The following GABBR2 variants were observed in gnomAD, a reference collection of about 807,000 sequenced individuals.
GABBR2 encodes the protein gamma-aminobutyric acid type B receptor subunit 2.
Under a neutral mutation model 105.6 loss-of-function variants are expected in GABBR2, and 23 were observed. The ratio of observed to expected loss-of-function variants is 0.22; its 90% CI spans 0.16 to 0.31. GABBR2 has a LOEUF of 0.31. GABBR2 is among the 10% of genes least tolerant of loss of function. The probability of loss-of-function intolerance (pLI) is 1.00; values close to 1 mark genes in which losing one functional copy is unlikely to be tolerated. For missense variants in GABBR2, 734 were observed against 1,245.5 expected, an observed-to-expected ratio of 0.59 and a Z score of 6.18; for synonymous variants, 478 against 499.7, an observed-to-expected ratio of 0.96 and a Z score of 0.58.
intron 13 of GABBR2, among the ~76,000 whole-genome samples, chr9:98,330,764 C>G (rs1393581506): frequency 3.9e-5 from 6 of 152,178 alleles, no homozygotes; most frequent in Admixed American, 1.3e-4. Flanking sequence ...ATTCACATAG[C>G]ACAAAATTCA....
intron 1 of GABBR2, among the ~76,000 whole-genome samples, chr9:98,598,487 A>C (rs967756234): frequency 7.2e-5 from 11 of 152,186 alleles, no homozygotes; most frequent in African/African-American, 2.4e-4. Context: ...CAGTCAGCTG[A>C]AATAAATAAA....
intron 3 of GABBR2, among the ~76,000 whole-genome samples, chr9:98,520,042 A>AG (rs1827835510): frequency 6.6e-6 from 1 of 152,164 alleles, no homozygotes; most frequent in African/African-American, 2.4e-5. Context: ...CTGCTGGGCT[A>AG]CCTTGGGTGA....
intron 9 of GABBR2, among the ~76,000 whole-genome samples, chr9:98,393,330 G>T (rs190866047): frequency 3.5e-5 from 3 of 85,630 alleles, no homozygotes; most frequent in African/African-American, 7.4e-5. Flanking sequence ...CACCCATCCA[G>T]GCATCCACCC....
intron 13 of GABBR2, among the ~76,000 whole-genome samples, chr9:98,347,825 C>T (rs1204960892): frequency 6.6e-6 from 1 of 152,058 alleles, no homozygotes; most frequent in East Asian, 1.9e-4. Context: ...GTAATAATCC[C>T]CACATGTCAA....
At chr9:98,698,808 A>G (rs337545) in intron 1 of GABBR2, among the ~76,000 whole-genome samples, 106,828 of 151,850 alleles carry the variant, frequency 0.7, 38,831 homozygotes, top group Middle Eastern at 0.84. Context: ...TTTACTCACA[A>G]TCTTGGTTAT....
chr9:98,430,836 G>T (rs1011152807), intron 7 of GABBR2, among the ~76,000 whole-genome samples: 2 of 151,880 alleles, frequency 1.3e-5, no homozygotes, highest in Admixed American at 6.6e-5. Context: ...CTGGGCGATT[G>T]TAAGATTCAC....
intron 3 of GABBR2, among the ~76,000 whole-genome samples, chr9:98,534,556 C>T (rs1828132828): frequency 6.6e-6 from 1 of 152,156 alleles, no homozygotes; most frequent in Admixed American, 6.5e-5. Flanking sequence ...CCCAACAACC[C>T]TAAGAGGTAG....
At chr9:98,337,113 T>G (rs1329189575) in intron 13 of GABBR2, among the ~76,000 whole-genome samples, 1 of 152,086 alleles carries the variant, frequency 6.6e-6, no homozygotes, top group Non-Finnish European at 1.5e-5. Context: ...AAGACCAGCC[T>G]GGACAACATA....
intron 9 of GABBR2, among the ~76,000 whole-genome samples, chr9:98,393,806 G>A (rs1026225994): frequency 2.6e-5 from 4 of 152,208 alleles, no homozygotes; most frequent in Non-Finnish European, 2.9e-5. Flanking sequence ...TCTAGCAGAG[G>A]AGAAGAAATA....
At chr9:98,690,317 C>T (rs1362466436) in intron 1 of GABBR2, among the ~76,000 whole-genome samples, 6 of 152,156 alleles carry the variant, frequency 3.9e-5, no homozygotes, top group Non-Finnish European at 7.3e-5. Flanking sequence ...GATCCAACCC[C>T]GTATTCTGAA....
intron 16 of GABBR2, among the ~76,000 whole-genome samples, chr9:98,301,420 C>T (rs1053609966): frequency 6.6e-6 from 1 of 152,192 alleles, no homozygotes; most frequent in East Asian, 1.9e-4. Flanking sequence ...TGCAAGAGCA[C>T]AGGAAAAACA....
intron 2 of GABBR2, among the ~76,000 whole-genome samples, chr9:98,576,950 G>GGATA (rs1248226326): frequency 6.9e-6 from 1 of 145,620 alleles, no homozygotes; most frequent in African/African-American, 2.7e-5. Flanking sequence ...ATGGATGGAT[G>GGATA]GATAGGTGAA....
intron 9 of GABBR2, among the ~76,000 whole-genome samples, chr9:98,389,208 A>G (rs1832135304): frequency 6.6e-6 from 1 of 152,238 alleles, no homozygotes; most frequent in South Asian, 2.1e-4. Flanking sequence ...CTTTCTCTAA[A>G]TAGAATCAAT....
At chr9:98,596,467 A>G (rs1829236061) in intron 1 of GABBR2, among the ~76,000 whole-genome samples, 1 of 152,134 alleles carries the variant, frequency 6.6e-6, no homozygotes. Flanking sequence ...CTTCACATTT[A>G]TATAGCTAAG....
chr9:98,667,483 T>C (rs1481741190), intron 1 of GABBR2, among the ~76,000 whole-genome samples: 1 of 152,048 alleles, frequency 6.6e-6, no homozygotes, highest in Non-Finnish European at 1.5e-5. Context: ...TTACCCACAT[T>C]TATGTCCCCT....
At chr9:98,342,759 C>T (rs751365075) in intron 13 of GABBR2, among the ~76,000 whole-genome samples, 2 of 152,314 alleles carry the variant, frequency 1.3e-5, no homozygotes, top group South Asian at 4.2e-4. Flanking sequence ...GCATCCAAAG[C>T]CTTTGGCCAC....
chr9:98,500,599 A>C (rs1364337901), intron 3 of GABBR2, among the ~76,000 whole-genome samples: 1 of 152,264 alleles, frequency 6.6e-6, no homozygotes, highest in African/African-American at 2.4e-5. Context: ...GACCTGGCCA[A>C]GGAACAAATC....
Position 98,388,975 on chromosome 9 carries a change from T to C in GABBR2, c.1408A>G (p.Ile470Val). Residue 470 changes from isoleucine to valine, a missense_variant, in exon 10 of 19, where the codon ATC becomes GTC. Physicochemically the swap from Ile to Val is conservative, Grantham distance 29. Around this residue, in one of 7 missense-constraint regions of GABBR2, gnomAD observed 370 missense variants for 648.9 expected, o/e 0.57. Coordinates refer to ENST00000259455, the MANE Select transcript of GABBR2 (RefSeq NM_005458.8). This position sits in a 1 kb window ranked among gnomAD's most constrained non-coding sequence, Gnocchi z 4.4. ...GAGATCTTCCGCAGCTGCTCCAGGA[T>C]GATGGTCTTGTCTTTTGGTGGTTCG... ...GSEPPKDKTIILEQLRKISLP... is the reference protein window; with the variant it reads ...GSEPPKDKTIVLEQLRKISLP... 6.2e-7 allele frequency: 1 copy of C among 1,613,744 alleles called. No homozygotes were observed.
intron 7 of GABBR2, 100 bp downstream of exon 7, chr9:98,453,881 G>T: frequency 1.2e-6 from 1 of 824,718 alleles, no homozygotes; most frequent in Non-Finnish European, 2.1e-6. Flanking sequence ...AATGATCAGA[G>T]ATAACAGATC....
Sources: allele counts gnomAD v4.1 joint callset (sites outside exome capture counted in the v4.1 genomes callset), GRCh38; gene constraint gnomAD v4.1.1; regional missense constraint gnomAD v4.1.1; non-coding constraint Gnocchi (gnomAD v3.1); transcripts MANE v1.5; gene names NCBI Gene and HGNC (gene_info 2026-07-23, HGNC 2026-07-21).